PCDHGB2: variants seen among roughly 807,000 people sequenced by gnomAD.
PCDHGB2 encodes the protein protocadherin gamma subfamily B, 2, also known as protocadherin gamma-B2.
A neutral mutation model predicts 59.3 loss-of-function variants in PCDHGB2; 55 were observed. That is an observed-to-expected ratio of 0.93 (90% CI 0.75 to 1.16). PCDHGB2 has a LOEUF of 1.16. PCDHGB2 is among the 50% of genes most tolerant of loss of function. The pLI is 0.00. For missense variants in PCDHGB2, 1,228 were observed against 1,198.5 expected (o/e 1.02, Z -0.36); for synonymous variants, 516 against 512.0 (o/e 1.01, Z -0.11).
intron 1 of PCDHGB2, among the ~76,000 whole-genome samples, chr5:141,402,701 G>T (rs1561683907): frequency 1.3e-5 from 2 of 152,178 alleles, no homozygotes; most frequent in African/African-American, 2.4e-5. Context: ...ACATCAGTGG[G>T]TGTAGTAACG....
At chr5:141,430,946 G>A (rs2097328634) in intron 1 of PCDHGB2, 1 of 1,609,494 alleles carries the variant, frequency 6.2e-7, no homozygotes, top group Non-Finnish European at 8.5e-7. Flanking sequence ...CGCGGAGCGC[G>A]GAGTCCGCAT....
chr5:141,382,910 A>G, intron 1 of PCDHGB2: 1 of 1,546,576 alleles, frequency 6.5e-7, no homozygotes. Flanking sequence ...ATGGCGGCTC[A>G]GCCGAGGGGC....
intron 1 of PCDHGB2, among the ~76,000 whole-genome samples, chr5:141,469,489 C>T (rs1013080566): frequency 4.6e-5 from 7 of 151,928 alleles, no homozygotes; most frequent in Middle Eastern, 3.4e-3. Context: ...GCAGGAGAAT[C>T]GCTTGAACCC....
intron 1 of PCDHGB2, chr5:141,420,099 C>G: frequency 2.5e-6 from 4 of 1,613,996 alleles, no homozygotes; most frequent in Non-Finnish European, 3.4e-6. Context: ...AGTGAGGGAA[C>G]GTTGCCCTAT....
chr5:141,409,766 C>G, intron 1 of PCDHGB2: 1 of 1,612,910 alleles, frequency 6.2e-7, no homozygotes, highest in Non-Finnish European at 8.5e-7. Context: ...CGCCTTTGAT[C>G]ACGAGCAGCT....
rs771884610 is a variant in PCDHGB2, at chr5:141,491,436, G to T, written c.2422-3371G>T. 1 of 1,614,070 alleles carries T rather than the reference G, an allele frequency of 6.2e-7. No individual in the cohort carries two copies. ...ACGGGGGTGGAGGGCAGTGCTGCAGGCGCCAGGACTCACCCTCCCCGGACT... is the reference window on the plus strand; with the variant it reads ...ACGGGGGTGGAGGGCAGTGCTGCAGTCGCCAGGACTCACCCTCCCCGGACT... On this transcript the variant is annotated intron_variant, in intron 1 of 3. Coordinates refer to ENST00000522605, the MANE Select transcript of PCDHGB2 (RefSeq NM_018923.3). The surrounding 1 kb of genome is among the most constrained non-coding windows in gnomAD (Gnocchi z 6.9).
chr5:141,360,147 C>T lies in PCDHGB2; in HGVS notation c.12C>T (p.Ser4=), dbSNP rs1381094393. The T allele has an allele frequency of 7.5e-6, 12 of 1,600,974 alleles. No individual in the cohort carries two copies. Among genetic ancestry groups the T allele is most frequent in the Non-Finnish European group, 1.0e-5 (12 of 1,172,844 alleles). Residue 4 remains serine, a synonymous_variant, in exon 1 of 4, where the codon AGC becomes AGT. Coordinates refer to ENST00000522605, the MANE Select transcript of PCDHGB2 (RefSeq NM_018923.3). ...AAGGGAGCCAGAAGATGAAAGCGAG[C>T]TCAGGGAGGTGCGGGCTGGTGCGGT... is the stretch of plus-strand genomic sequence containing the variant. MKA[S]SGRCGLVRWL...
In PCDHGB2 at chr5:141,388,019, C is replaced by T. The variant is rs1218468252; in HGVS notation, c.2421+25463C>T. On this transcript the variant is annotated intron_variant, in intron 1 of 3. Transcript: ENST00000522605. ...TTCCCGAGGAAATGCCCAAGGGCTC[C>T]GTAGTGGGGAACCTCGCCACGGACC... 4.1e-6 allele frequency: 6 copies of T among 1,458,652 alleles called. 1 individual carries two copies. The highest frequency in any genetic ancestry group is 2.4e-4 in the Middle Eastern group (1 of 4,164). 90.4% of individuals were successfully genotyped at this position (1,458,652 alleles called of 1,614,324 possible). A position where few individuals can be genotyped will look rare whatever the true frequency, so the allele number is the denominator to read the frequency against.
intron 1 of PCDHGB2, chr5:141,479,563 G>A (rs1469231382): frequency 2.6e-5 from 4 of 152,206 alleles, no homozygotes; most frequent in Admixed American, 2.0e-4. Context: ...ATCCAGTAGT[G>A]GGATGACATC....
rs192741775 is a variant in PCDHGB2, at chr5:141,428,173, C to A, written c.2421+65617C>A. The A allele has an allele frequency of 3.2e-4, 487 of 1,514,722 alleles. 1 individual carries two copies. In the Middle Eastern group the frequency reaches 7.1e-3, roughly 22 times the overall value. The allele number at this position is 1,514,722 out of a possible 1,614,324, so 93.8% of individuals were successfully genotyped here. On this transcript the variant is annotated intron_variant, in intron 1 of 3. Transcript: ENST00000522605. The stretch of plus-strand genomic sequence containing the variant: ...GGAACCTGCTGGTTGCTGTGCGTGA[C>A]GGAGGACAGCCGCCGCTCTCTGCGC...
At chr5:141,394,482 G>A in intron 1 of PCDHGB2, 1 of 1,614,240 alleles carries the variant, frequency 6.2e-7, no homozygotes, top group Non-Finnish European at 8.5e-7. Context: ...GGACCAGAAT[G>A]ACAACGCGCC....
intron 1 of PCDHGB2, chr5:141,371,024 G>T: frequency 2.5e-6 from 4 of 1,614,004 alleles, no homozygotes; most frequent in Non-Finnish European, 3.4e-6. Flanking sequence ...ATCACCACCT[G>T]GTCCTCACAG....
In PCDHGB2 at chr5:141,394,984, T is replaced by C. The variant is rs777878747; in HGVS notation, c.2421+32428T>C. On this transcript the variant is annotated intron_variant, in intron 1 of 3. Transcript: ENST00000522605. ...CTGAGGCGCTGGCACAAGTCACGCC[T>C]GCTCCAGGATTCCGGTGGCAGATTG... 5 of 1,614,026 alleles carry C rather than the reference T, an allele frequency of 3.1e-6. 1 individual carries two copies. In the South Asian group the frequency reaches 4.4e-5, roughly 14 times the overall value.
chr5:141,476,770 C>T lies in PCDHGB2; in HGVS notation c.2422-18037C>T, dbSNP rs1452363016. 6.2e-7 allele frequency: 1 copy of T among 1,613,568 alleles called. No homozygotes were observed. The highest frequency in any genetic ancestry group is 8.5e-7 in the Non-Finnish European group (1 of 1,180,020). ...TCCAGTTAGTGCTGACGGCGTTGGA[C>T]GGAGGGACCCCAGCTCTCTCCGCCA... On this transcript the variant is annotated intron_variant, in intron 1 of 3. Coordinates refer to ENST00000522605, the MANE Select transcript of PCDHGB2 (RefSeq NM_018923.3). This position sits in a 1 kb window ranked among gnomAD's most constrained non-coding sequence, Gnocchi z 7.6.
chr5:141,433,406 TTA>T (rs2097606059), intron 1 of PCDHGB2, among the ~76,000 whole-genome samples: 1 of 149,982 alleles, frequency 6.7e-6, no homozygotes. Flanking sequence ...TATCTATCTA[TTA>T]CTTTCTTGTA....
chr5:141,410,849 C>CTTTT lies in PCDHGB2; in HGVS notation c.2421+48312_2421+48315dup, dbSNP rs759346998. The CTTTT allele has an allele frequency of 9.0e-3, 1,245 of 137,660 alleles. 106 individuals are homozygous for CTTTT. The highest frequency in any genetic ancestry group is 0.023 in the African/African-American group (378 of 16,590). 8.5% of individuals were successfully genotyped at this position (137,660 alleles called of 1,614,324 possible). On this transcript the variant is annotated intron_variant, in intron 1 of 3. Coordinates refer to ENST00000522605, the MANE Select transcript of PCDHGB2 (RefSeq NM_018923.3). The stretch of plus-strand genomic sequence containing the variant: ...CAGACTGAAGATATTTTGTCTTTGT[C>CTTTT]TTTTTTTTTTTTTTTTTTTTTTGAG...
chr5:141,476,738 C>T lies in PCDHGB2; in HGVS notation c.2422-18069C>T. 6.2e-7 allele frequency: 1 copy of T among 1,614,076 alleles called. No individual in the cohort carries two copies. The highest frequency in any genetic ancestry group is 2.2e-5 in the East Asian group (1 of 44,880). On this transcript the variant is annotated intron_variant, in intron 1 of 3. Transcript: ENST00000522605. This position sits in a 1 kb window ranked among gnomAD's most constrained non-coding sequence, Gnocchi z 7.6. Reference sequence around the variant, plus strand: ...GCGCGCCCTGGACCGAGAACGGGAGCCTAGTCTCCAGTTAGTGCTGACGGC... The same window carrying T: ...GCGCGCCCTGGACCGAGAACGGGAGTCTAGTCTCCAGTTAGTGCTGACGGC...
intron 1 of PCDHGB2, chr5:141,417,490 T>C (rs1296739869): frequency 4.7e-6 from 1 of 210,618 alleles, no homozygotes; most frequent in Non-Finnish European, 9.3e-6. Context: ...AAGGAATCAC[T>C]GAGGAAAAAG....
intron 1 of PCDHGB2, chr5:141,426,985 A>G (rs534298238): frequency 7.7e-5 from 35 of 456,646 alleles, no homozygotes; most frequent in Non-Finnish European, 1.3e-4. Context: ...ACTGATGCCA[A>G]CGATAATGCC....
Sources: allele counts gnomAD v4.1 joint callset (sites outside exome capture counted in the v4.1 genomes callset), GRCh38; gene constraint gnomAD v4.1.1; non-coding constraint Gnocchi (gnomAD v3.1); transcripts MANE v1.5; gene names NCBI Gene and HGNC (gene_info 2026-07-23, HGNC 2026-07-21).